The following RFX8 variants were observed in gnomAD, a reference collection of about 807,000 sequenced individuals.
The protein encoded by RFX8 is regulatory factor X8, also known as DNA-binding protein RFX8.
RFX8 carries 46 observed loss-of-function variants against 54.6 expected under a neutral mutation model. That is an observed-to-expected ratio of 0.84 (90% CI 0.67 to 1.08). The LOEUF is 1.08. RFX8 is among the 50% of genes least tolerant of loss of function. RFX8 has a pLI of 0.00. For missense variants in RFX8, 536 were observed against 562.3 expected, an observed-to-expected ratio of 0.95 and a Z score of 0.47; for synonymous variants, 192 against 209.5, an observed-to-expected ratio of 0.92 and a Z score of 0.72.
chr2:101,438,617 G>T (rs1400680903), intron 2 of RFX8, among the ~76,000 whole-genome samples: 1 of 152,150 alleles, frequency 6.6e-6, no homozygotes, highest in Non-Finnish European at 1.5e-5. Context: ...TTGCTGGTTT[G>T]GGTGGTAAAT....
chr2:101,414,711 C>A, intron 7 of RFX8, 143 bp downstream of exon 7: 1 of 586,338 alleles, frequency 1.7e-6, no homozygotes. Flanking sequence ...GACTCCTCTG[C>A]CAATGGCCAG....
rs1053182799 is a variant in RFX8, at chr2:101,451,051, AC to A, written c.72+15725del. Among the ~76,000 whole-genome samples the A allele has an allele frequency of 3.9e-4, 58 of 150,590 alleles. No individual in the cohort carries two copies. The Middle Eastern group carries it at 0.014, about 36-fold the overall frequency. On this transcript the variant is annotated intron_variant, in intron 2 of 11. Coordinates refer to ENST00000428343, the MANE Select transcript of RFX8 (RefSeq NM_001145664.2). ...CTTTTTCAGGTGAAGGGAAAATGATACCAAGGCTCCCTCCACTGAAGTTGTC... is the reference window on the plus strand; with the variant it reads ...CTTTTTCAGGTGAAGGGAAAATGATACAAGGCTCCCTCCACTGAAGTTGTC...
chr2:101,417,015 T>C (rs972419169), intron 6 of RFX8, among the ~76,000 whole-genome samples: 2 of 152,124 alleles, frequency 1.3e-5, no homozygotes, highest in African/African-American at 2.4e-5. Flanking sequence ...CATGTTATTA[T>C]TCAAAAGAGA....
intron 2 of RFX8, among the ~76,000 whole-genome samples, chr2:101,440,419 T>C (rs1026656784): frequency 6.6e-6 from 1 of 152,220 alleles, no homozygotes; most frequent in Non-Finnish European, 1.5e-5. Context: ...GAGTCTATAA[T>C]GTTGGCATGT....
intron 1 of RFX8, 133 bp from the exon 2 acceptor site, chr2:101,467,033 C>G: frequency 1.6e-6 from 1 of 623,114 alleles, no homozygotes; most frequent in South Asian, 1.9e-5. Context: ...TGGATGAATC[C>G]CTGCGAAGGC....
Position 101,457,276 on chromosome 2 carries a change from C to G in RFX8, c.72+9501G>C, listed in dbSNP as rs1436818250. On this transcript the variant is annotated intron_variant, in intron 2 of 11. Transcript: ENST00000428343. The stretch of plus-strand genomic sequence containing the variant: ...TTTGAATTTGTTTACTCTTGCTTCT[C>G]TAGTTCTTTTAATTGTGATGTTAGG... Among the ~76,000 whole-genome samples, 4 of 152,266 alleles carry G rather than the reference C, an allele frequency of 2.6e-5. No homozygotes were observed. The South Asian group carries it at 8.3e-4, about 32-fold the overall frequency.
At chr2:101,472,690 AAAAC>A (rs1690076646) in intron 1 of RFX8, among the ~76,000 whole-genome samples, 1 of 152,326 alleles carries the variant, frequency 6.6e-6, no homozygotes, top group East Asian at 1.9e-4. Flanking sequence ...CTGATGAGCC[AAAAC>A]AAACAAAAAA....
intron 2 of RFX8, chr2:101,452,249 A>T: frequency 2.1e-6 from 1 of 477,486 alleles, no homozygotes; most frequent in Non-Finnish European, 3.6e-6. Flanking sequence ...ACTGGGAATT[A>T]ATGCGAATTG....
At chr2:101,454,992 T>C (rs1018762998) in intron 2 of RFX8, among the ~76,000 whole-genome samples, 1 of 151,662 alleles carries the variant, frequency 6.6e-6, no homozygotes, top group Non-Finnish European at 1.5e-5. Context: ...TCCTGAGTGG[T>C]ATTGCCTAGG....
At chr2:101,406,325 T>TA (rs969477968) in intron 9 of RFX8, among the ~76,000 whole-genome samples, 6 of 149,320 alleles carry the variant, frequency 4.0e-5, no homozygotes, top group South Asian at 2.1e-4. Context: ...TCTCTTAAAA[T>TA]AAAAAAAAAG....
At chr2:101,407,315 T>C (rs1685795852) in intron 9 of RFX8, among the ~76,000 whole-genome samples, 1 of 152,236 alleles carries the variant, frequency 6.6e-6, no homozygotes, top group African/African-American at 2.4e-5. Flanking sequence ...CTCCTCACCA[T>C]CTGAGATGGA....
intron 2 of RFX8, among the ~76,000 whole-genome samples, chr2:101,465,303 G>C (rs1024493636): frequency 4.6e-5 from 7 of 152,048 alleles, no homozygotes; most frequent in African/African-American, 1.7e-4. Flanking sequence ...TCGGGAGATC[G>C]AGACCATCCT....
At chr2:101,433,960 TC>T (rs1264043882) in intron 2 of RFX8, among the ~76,000 whole-genome samples, 1 of 152,236 alleles carries the variant, frequency 6.6e-6, no homozygotes, top group Non-Finnish European at 1.5e-5. Flanking sequence ...GAGACATATG[TC>T]ATTATAATTT....
At chr2:101,453,360 AGGCATG>A (rs1688804567) in intron 2 of RFX8, among the ~76,000 whole-genome samples, 1 of 151,200 alleles carries the variant, frequency 6.6e-6, no homozygotes, top group Non-Finnish European at 1.5e-5. Context: ...GATGTTGGCC[AGGCATG>A]GTGACTCATG....
At chr2:101,438,039 C>CT (rs1553455989) in intron 2 of RFX8, among the ~76,000 whole-genome samples, 7 of 10,738 alleles carry the variant, frequency 6.5e-4, no homozygotes, top group African/African-American at 1.1e-3. Context: ...GTTTGTTCCT[C>CT]TTTTTTTTTA....
chr2:101,468,555 G>T (rs962671666), intron 1 of RFX8, among the ~76,000 whole-genome samples: 4 of 152,132 alleles, frequency 2.6e-5, no homozygotes, highest in Admixed American at 1.3e-4. Flanking sequence ...CTCCCAAAGT[G>T]CTGGGATTAC....
At chr2:101,414,945 A>C in intron 6 of RFX8, 33 bp from the exon 7 acceptor site, 1 of 1,494,632 alleles carries the variant, frequency 6.7e-7, no homozygotes, top group Non-Finnish European at 9.1e-7. Context: ...CCATTAATAC[A>C]ATAACTTCAA....
At chr2:101,439,498 A>G (rs948116001) in intron 2 of RFX8, among the ~76,000 whole-genome samples, 1 of 151,702 alleles carries the variant, frequency 6.6e-6, no homozygotes, top group Non-Finnish European at 1.5e-5. Context: ...AAAGTTTAAT[A>G]TTATGTTTTA....
intron 2 of RFX8, chr2:101,450,728 G>T: frequency 1.0e-6 from 1 of 980,678 alleles, no homozygotes; most frequent in Non-Finnish European, 1.5e-6. Flanking sequence ...CTACTGACAT[G>T]CTTTATGGAA....
Sources: gnomAD v4.1 joint callset for allele counts (sites outside exome capture counted in the v4.1 genomes callset) on GRCh38, gnomAD v4.1.1 for gene constraint, MANE v1.5 for transcripts, NCBI Gene and HGNC (gene_info 2026-07-23, HGNC 2026-07-21) for gene names.